The following CSMD1 variants were observed in gnomAD, a reference collection of about 807,000 sequenced individuals.
The protein encoded by CSMD1 is CUB and Sushi multiple domains 1.
In CSMD1, 213 loss-of-function variants were observed where a neutral mutation model predicts 417.5. The ratio of observed to expected loss-of-function variants is 0.51; its 90% CI spans 0.46 to 0.57. The LOEUF is 0.57. Among genes scored for constraint, CSMD1 ranks in the 20% least tolerant of loss-of-function variants. The pLI, the probability that CSMD1 is intolerant of heterozygous loss-of-function variation, is 0.00. For missense variants in CSMD1, 6,923 were observed against 4,529.7 expected (o/e 1.53, Z -15.17); for synonymous variants, 2,862 against 1,736.8 (o/e 1.65, Z -16.11).
chr8:4,226,119 T>A (rs1504758), intron 3 of CSMD1, among the ~76,000 whole-genome samples: 67,117 of 148,998 alleles, frequency 0.45, 15,542 homozygotes, highest in East Asian at 0.7. Context: ...CCAACACACA[T>A]ACACACTTGC....
rs542868477 is a variant in CSMD1, at chr8:4,267,567, T to G, written c.415+152386A>C. On this transcript the variant is annotated intron_variant, in intron 3 of 69. Transcript: ENST00000635120. ...TTGTAATAGAAATAGCAATGGTCAC[T>G]GACACAATAAGTGACACATTCTTGG... Among the ~76,000 whole-genome samples the G allele has an allele frequency of 2.0e-5, 3 of 152,052 alleles. No individual in the cohort carries two copies. In the East Asian group the frequency reaches 5.8e-4, roughly 29 times the overall value.
At chr8:4,379,506 C>G (rs1238993048) in intron 3 of CSMD1, among the ~76,000 whole-genome samples, 1 of 152,128 alleles carries the variant, frequency 6.6e-6, no homozygotes, top group African/African-American at 2.4e-5. Context: ...AATGTTAGCA[C>G]TGGAAGGCAA....
chr8:4,979,929 T>C (rs1365610892), intron 1 of CSMD1, among the ~76,000 whole-genome samples: 1 of 152,026 alleles, frequency 6.6e-6, no homozygotes, highest in Non-Finnish European at 1.5e-5. Flanking sequence ...TCCCAGCTAC[T>C]GGGGAGGCTG....
At chr8:4,033,257 G>A (rs549411960) in intron 3 of CSMD1, among the ~76,000 whole-genome samples, 66 of 151,350 alleles carry the variant, frequency 4.4e-4, no homozygotes, top group African/African-American at 5.8e-4. Flanking sequence ...TGGCTAACAC[G>A]GTGAAACCCT....
In CSMD1 at chr8:4,267,265, A is replaced by G. The variant is rs868516011; in HGVS notation, c.415+152688T>C. Among the ~76,000 whole-genome samples, 20 of 103,980 alleles carry G rather than the reference A, an allele frequency of 1.9e-4. 7 individuals carry two copies. Among genetic ancestry groups the G allele is most frequent in the Admixed American group, 3.7e-4 (4 of 10,944 alleles). The allele number at this position is 103,980 out of a possible 152,430, so 68.2% of individuals were successfully genotyped here. A position where few individuals can be genotyped will look rare whatever the true frequency, so the allele number is the denominator to read the frequency against. On this transcript the variant is annotated intron_variant, in intron 3 of 69. Transcript: ENST00000635120. ...TCAATGAAGTTGCTACTTAGAAAAT[A>G]TATCATGTTTTAATATGTATTAGCT... is the stretch of plus-strand genomic sequence containing the variant.
chr8:4,592,764 T>C (rs1402274804), intron 2 of CSMD1, among the ~76,000 whole-genome samples: 2 of 152,184 alleles, frequency 1.3e-5, no homozygotes, highest in Non-Finnish European at 2.9e-5. Context: ...AATTTTAATA[T>C]TTATACTTAG....
chr8:3,692,185 C>G (rs1399152974), intron 7 of CSMD1, among the ~76,000 whole-genome samples: 1 of 152,210 alleles, frequency 6.6e-6, no homozygotes, highest in African/African-American at 2.4e-5. Flanking sequence ...TTTCTCCTGA[C>G]TTTACGTTGT....
intron 3 of CSMD1, among the ~76,000 whole-genome samples, chr8:4,399,860 T>G (rs1804530196): frequency 6.6e-6 from 1 of 152,172 alleles, no homozygotes; most frequent in South Asian, 2.1e-4. Context: ...AGATCCCAGA[T>G]TAAAAGTGTA....
chr8:3,372,828 A>C (rs1810056861), intron 18 of CSMD1, among the ~76,000 whole-genome samples: 1 of 152,190 alleles, frequency 6.6e-6, no homozygotes, highest in Non-Finnish European at 1.5e-5. Flanking sequence ...GACCACAACT[A>C]TGTGAGAACA....
At chr8:3,849,850 C>G (rs1017465696) in intron 5 of CSMD1, among the ~76,000 whole-genome samples, 6 of 152,160 alleles carry the variant, frequency 3.9e-5, no homozygotes, top group East Asian at 1.9e-4. Flanking sequence ...GAGTCTCGCT[C>G]TGTCGCCCAG....
At chr8:4,574,216 C>T (rs1408725726) in intron 2 of CSMD1, among the ~76,000 whole-genome samples, 1 of 152,120 alleles carries the variant, frequency 6.6e-6, no homozygotes, top group Non-Finnish European at 1.5e-5. Context: ...TGAACAGCTG[C>T]CGAGTTTTTT....
chr8:3,556,112 C>A (rs979436334), intron 10 of CSMD1, among the ~76,000 whole-genome samples: 1 of 152,026 alleles, frequency 6.6e-6, no homozygotes, highest in Non-Finnish European at 1.5e-5. Flanking sequence ...AGACTCCTCA[C>A]AAAACCCAGC....
At chr8:3,431,463 C>G (rs981166040) in intron 12 of CSMD1, among the ~76,000 whole-genome samples, 25 of 152,164 alleles carry the variant, frequency 1.6e-4, no homozygotes, top group African/African-American at 5.6e-4. Flanking sequence ...TTTTAAAAGG[C>G]TATTTAACTG....
At chr8:3,777,338 G>A (rs1232534171) in intron 5 of CSMD1, among the ~76,000 whole-genome samples, 2 of 152,054 alleles carry the variant, frequency 1.3e-5, no homozygotes, top group East Asian at 1.9e-4. Context: ...CTCACACAGT[G>A]CTCCAGACAG....
chr8:3,105,204 T>C (rs1177066791), intron 46 of CSMD1, among the ~76,000 whole-genome samples: 10 of 152,250 alleles, frequency 6.6e-5, no homozygotes, highest in Non-Finnish European at 1.3e-4. Flanking sequence ...AATCATCCTC[T>C]GTGTGCACAG....
intron 6 of CSMD1, among the ~76,000 whole-genome samples, chr8:3,724,766 C>A (rs1372713484): frequency 6.6e-6 from 1 of 152,078 alleles, no homozygotes; most frequent in African/African-American, 2.4e-5. Context: ...TGAGTGTAAG[C>A]AAAAAGCCAT....
At chr8:3,195,271 C>T (rs1477722901) in intron 33 of CSMD1, among the ~76,000 whole-genome samples, 1 of 152,108 alleles carries the variant, frequency 6.6e-6, no homozygotes, top group Non-Finnish European at 1.5e-5. Flanking sequence ...GCAGGGTGGG[C>T]AGCTGTGACC....
chr8:4,229,713 G>A (rs565400496), intron 3 of CSMD1, among the ~76,000 whole-genome samples: 1 of 152,080 alleles, frequency 6.6e-6, no homozygotes, highest in South Asian at 2.1e-4. Context: ...CCTTCCTCTT[G>A]CTTGACCCAC....
intron 11 of CSMD1, among the ~76,000 whole-genome samples, chr8:3,493,385 T>C (rs1796217525): frequency 2.6e-5 from 4 of 151,648 alleles, no homozygotes; most frequent in South Asian, 2.1e-4. Flanking sequence ...TTTTTTGCCA[T>C]AAACATATAT....
Sources: allele counts gnomAD v4.1 joint callset (sites outside exome capture counted in the v4.1 genomes callset), GRCh38; gene constraint gnomAD v4.1.1; transcripts MANE v1.5; gene names NCBI Gene and HGNC (gene_info 2026-07-23, HGNC 2026-07-21).